Variants in KPNA1 observed in about 807,000 individuals in gnomAD.
The protein encoded by KPNA1 is karyopherin subunit alpha 1, also known as importin subunit alpha-5.
In KPNA1, 10 loss-of-function variants were observed where a neutral mutation model predicts 70.5. That is an observed-to-expected ratio of 0.14 (90% CI 0.09 to 0.24). The LOEUF (loss-of-function observed/expected upper bound fraction) is 0.24, where lower values mean the gene tolerates loss of function less well. KPNA1 is among the 10% of genes least tolerant of loss of function. The probability of loss-of-function intolerance (pLI) is 1.00; values close to 1 mark genes in which losing one functional copy is unlikely to be tolerated. For missense variants in KPNA1, 397 were observed against 637.9 expected, an observed-to-expected ratio of 0.62 and a Z score of 4.07; for synonymous variants, 192 against 221.9, an observed-to-expected ratio of 0.87 and a Z score of 1.20.
chr3:122,472,721 C>G (rs1339364098), intron 2 of KPNA1, among the ~76,000 whole-genome samples: 1 of 152,122 alleles, frequency 6.6e-6, no homozygotes, highest in Non-Finnish European at 1.5e-5. Flanking sequence ...GACACAAACT[C>G]CTAATATCAG....
At chr3:122,470,007 T>C (rs570764119) in intron 2 of KPNA1, among the ~76,000 whole-genome samples, 1 of 152,284 alleles carries the variant, frequency 6.6e-6, no homozygotes, top group Admixed American at 6.5e-5. Flanking sequence ...GCAAGAAATG[T>C]TAAACGAAAT....
At chr3:122,495,866 A>G (rs2076754479) in intron 2 of KPNA1, among the ~76,000 whole-genome samples, 1 of 152,224 alleles carries the variant, frequency 6.6e-6, no homozygotes, top group African/African-American at 2.4e-5. Flanking sequence ...CTTTATGAAT[A>G]ATACAGAATT....
rs573901532 is a variant in KPNA1, at chr3:122,488,564, T to C, written c.129+7873A>G. The stretch of plus-strand genomic sequence containing the variant: ...AATCTTTATTCTGTAGAGATACATA[T>C]TGAAGTATTTACAGATAAAATAATT... On this transcript the variant is annotated intron_variant, in intron 2 of 13. Transcript: ENST00000344337. Among the ~76,000 whole-genome samples the C allele has an allele frequency of 1.1e-3, 174 of 152,318 alleles. 1 individual carries two copies. The highest frequency in any genetic ancestry group is 4.0e-3 in the African/African-American group (168 of 41,564).
intron 5 of KPNA1, among the ~76,000 whole-genome samples, chr3:122,455,395 A>G (rs764902911): frequency 3.9e-5 from 6 of 152,200 alleles, no homozygotes; most frequent in Non-Finnish European, 7.3e-5. Context: ...CCTTTTTGTT[A>G]TAACAAAAAT....
In KPNA1 at chr3:122,458,657, T is replaced by C. The variant is rs1336084998; in HGVS notation, c.432+2567A>G. 8.5e-5 allele frequency among the ~76,000 whole-genome samples: 13 copies of C among 152,162 alleles called. 1 individual carries two copies. The highest frequency in any genetic ancestry group is 7.9e-4 in the Admixed American group (12 of 15,270). ...CTATTCCAAAGGTGCATTATTCAAG[T>C]TCTAGTAAGCAGGTAAGAGTATCAG... On this transcript the variant is annotated intron_variant, in intron 5 of 13. Transcript: ENST00000344337.
chr3:122,472,333 A>G (rs2076451943), intron 2 of KPNA1, among the ~76,000 whole-genome samples: 1 of 152,228 alleles, frequency 6.6e-6, no homozygotes, highest in Non-Finnish European at 1.5e-5. Context: ...CACACTTCTA[A>G]TAACACATAG....
chr3:122,512,882 C>T (rs554528960), intron 1 of KPNA1, among the ~76,000 whole-genome samples: 1 of 152,230 alleles, frequency 6.6e-6, no homozygotes, highest in Non-Finnish European at 1.5e-5. Flanking sequence ...ATTTGAACTG[C>T]CTTTACTATT....
chr3:122,514,566 G>C, intron 1 of KPNA1, 191 bp downstream of exon 1: 1 of 148,320 alleles, frequency 6.7e-6, no homozygotes, highest in African/African-American at 2.5e-5. Flanking sequence ...CTCCTCCGCC[G>C]GCCTTGTGGC....
chr3:122,513,774 A>G (rs1400965496), intron 1 of KPNA1, among the ~76,000 whole-genome samples: 1 of 152,192 alleles, frequency 6.6e-6, no homozygotes, highest in Admixed American at 6.5e-5. Flanking sequence ...AGAAAAAAAA[A>G]TACTCTGCAG....
At chr3:122,459,510 G>A (rs1335760043) in intron 5 of KPNA1, 14 of 985,244 alleles carry the variant, frequency 1.4e-5, no homozygotes, top group African/African-American at 7.0e-5. Flanking sequence ...TCTGGTTCTC[G>A]GCAGGTTGCT....
In KPNA1 at chr3:122,453,847, GCTT is replaced by G. The variant is rs778455920; in HGVS notation, c.564+20_564+22del. 1.3e-6 allele frequency: 2 copies of G among 1,581,380 alleles called. No homozygotes were observed. The highest frequency in any genetic ancestry group is 4.6e-5 in the East Asian group (2 of 43,902). ...CCCAGCCAAAAACTTTCTTTCACCTGCTTCTTTTTGTTTCATTTTTACCTGTTC... is the reference window on the plus strand; with the variant it reads ...CCCAGCCAAAAACTTTCTTTCACCTGCTTTTTGTTTCATTTTTACCTGTTC... On this transcript the variant is annotated intron_variant, in intron 6 of 13. Transcript: ENST00000344337.
rs202025818 is a variant in KPNA1 at position 122,461,357 on chromosome 3, G to T, written c.338-39C>A. ...AAATAAAAGAAAAAAAAAATCCTTT[G>T]ATTTCAATGCAAGAACTTAACAGCT... is the stretch of plus-strand genomic sequence containing the variant. On this transcript the variant is annotated intron_variant, in intron 4 of 13. Transcript: ENST00000344337. The T allele has an allele frequency of 2.9e-6, 4 of 1,383,650 alleles. No individual in the cohort carries two copies. The South Asian group carries it at 3.7e-5, about 13-fold the overall frequency. 85.7% of individuals were successfully genotyped at this position (1,383,650 alleles called of 1,614,324 possible). A position where few individuals can be genotyped will look rare whatever the true frequency, so the allele number is the denominator to read the frequency against.
chr3:122,437,315 A>G lies in KPNA1; in HGVS notation c.997-20T>C. ...AATTACCTAAAAGAAAAAGTTTGAA[A>G]ATTTTACTTATTGTATTGTTCTAAA... is the stretch of plus-strand genomic sequence containing the variant. On this transcript the variant is annotated intron_variant, in intron 10 of 13. Coordinates refer to ENST00000344337, the MANE Select transcript of KPNA1 (RefSeq NM_002264.4). 6.4e-7 allele frequency: 1 copy of G among 1,566,734 alleles called. No homozygotes were observed. Among genetic ancestry groups the G allele is most frequent in the Non-Finnish European group, 8.7e-7 (1 of 1,152,582 alleles).
In KPNA1 at chr3:122,451,677, G is replaced by A. The variant is rs369143595; in HGVS notation, c.654-44C>T. On this transcript the variant is annotated intron_variant, in intron 7 of 13. Transcript: ENST00000344337. ...AATGGTAAACTATGTAACAGACAGT[G>A]ATTATCTGATGACATAAATACTAAA... 54 of 1,223,576 alleles carry A rather than the reference G, an allele frequency of 4.4e-5. No individual in the cohort carries two copies. The Middle Eastern group carries it at 7.6e-4, about 17-fold the overall frequency. The allele number at this position is 1,223,576 out of a possible 1,614,324, so 75.8% of individuals were successfully genotyped here.
chr3:122,432,354 C>T (rs2075922193), intron 12 of KPNA1: 1 of 152,194 alleles, frequency 6.6e-6, no homozygotes, highest in Non-Finnish European at 1.5e-5. Flanking sequence ...AAAATAGCTA[C>T]TGCATATGTT....
intron 2 of KPNA1, among the ~76,000 whole-genome samples, chr3:122,488,201 C>T (rs561657652): frequency 7.2e-5 from 11 of 152,242 alleles, no homozygotes. Flanking sequence ...GCTGACTGCG[C>T]TCTTTGATGA....
intron 11 of KPNA1, among the ~76,000 whole-genome samples, chr3:122,435,235 AGAT>A (rs1250779525): frequency 6.6e-6 from 1 of 152,214 alleles, no homozygotes; most frequent in Non-Finnish European, 1.5e-5. Flanking sequence ...ACCTTGGATT[AGAT>A]GATCTCTCTG....
At position 122,423,778 on chromosome 3, in the gene KPNA1, T is replaced by C. The variant is rs887693422; in HGVS notation, c.*3207A>G. 1 of 152,612 alleles carries C rather than the reference T, an allele frequency of 6.6e-6. No individual in the cohort carries two copies. The highest frequency in any genetic ancestry group is 1.5e-5 in the Non-Finnish European group (1 of 68,034). 9.5% of individuals were successfully genotyped at this position (152,612 alleles called of 1,614,324 possible). ...CGGCAGCAATCTGGAATAATTCAGA[T>C]TTTTTATGAGATTAATTGCCAATCT... On this transcript the variant is annotated 3_prime_UTR_variant, in exon 14 of 14. Coordinates refer to ENST00000344337, the MANE Select transcript of KPNA1 (RefSeq NM_002264.4).
intron 1 of KPNA1, among the ~76,000 whole-genome samples, chr3:122,510,686 A>G (rs1329901664): frequency 2.6e-5 from 4 of 152,226 alleles, no homozygotes; most frequent in African/African-American, 9.6e-5. Context: ...AATAATATCT[A>G]TAATTGCTAT....
Sources: gnomAD v4.1 joint callset for allele counts (sites outside exome capture counted in the v4.1 genomes callset) on GRCh38, gnomAD v4.1.1 for gene constraint, MANE v1.5 for transcripts, NCBI Gene and HGNC (gene_info 2026-07-23, HGNC 2026-07-21) for gene names.